Variants in SASH1 observed in about 807,000 individuals in gnomAD.
SASH1 encodes the protein SAM and SH3 domain-containing protein 1.
SASH1 carries 44 observed loss-of-function variants against 125.2 expected under a neutral mutation model. The observed-to-expected ratio is 0.35, with a 90% CI of 0.28 to 0.45. SASH1 has a LOEUF of 0.45. Ranked by LOEUF, SASH1 falls within the 20% of genes least tolerant of loss-of-function variation. SASH1 has a pLI of 1.00. For synonymous variants in SASH1, 639 were observed against 649.1 expected (o/e 0.98, Z 0.24); for missense variants, 1,426 against 1,614.5 (o/e 0.88, Z 2.00).
At chr6:148,527,941 G>T (rs141904857) in intron 12 of SASH1, among the ~76,000 whole-genome samples, 1 of 143,826 alleles carries the variant, frequency 7.0e-6, no homozygotes, top group Non-Finnish European at 1.5e-5. Context: ...ACTATGCCTT[G>T]CTACAAAATG....
At chr6:148,502,576 T>C (rs898027038) in intron 8 of SASH1, among the ~76,000 whole-genome samples, 10 of 152,230 alleles carry the variant, frequency 6.6e-5, no homozygotes, top group African/African-American at 2.2e-4. Context: ...TTTCGGTGCT[T>C]CACTTTTTGG....
intron 1 of SASH1, among the ~76,000 whole-genome samples, chr6:148,381,442 A>G (rs927491076): frequency 3.9e-5 from 6 of 151,982 alleles, no homozygotes; most frequent in African/African-American, 1.5e-4. Context: ...CAGGGAGTGT[A>G]AGAAGAGAAA....
intron 8 of SASH1, among the ~76,000 whole-genome samples, chr6:148,493,284 T>C (rs1779186358): frequency 6.6e-6 from 1 of 152,212 alleles, no homozygotes; most frequent in Non-Finnish European, 1.5e-5. Context: ...CTTGCCCCTC[T>C]TACTCTGGCT....
intron 2 of SASH1, among the ~76,000 whole-genome samples, chr6:148,426,332 C>A (rs188985669): frequency 1.3e-5 from 2 of 152,130 alleles, no homozygotes; most frequent in Non-Finnish European, 1.5e-5. Context: ...GGAAAGGGGT[C>A]GGACAGCTCT....
chr6:148,402,308 T>G (rs1784201333), intron 2 of SASH1, among the ~76,000 whole-genome samples: 1 of 152,052 alleles, frequency 6.6e-6, no homozygotes, highest in African/African-American at 2.4e-5. Context: ...CAAAAATGAC[T>G]TTTTGTTTGT....
the SASH1 span, among the ~76,000 whole-genome samples, chr6:148,238,899 A>T: frequency 6.6e-6 from 1 of 152,076 alleles, no homozygotes; most frequent in African/African-American, 2.4e-5. Flanking sequence ...CCCAAAAGTC[A>T]CTCTGGGATA....
chr6:148,499,278 G>A (rs1407802573), intron 8 of SASH1, among the ~76,000 whole-genome samples: 1 of 151,756 alleles, frequency 6.6e-6, no homozygotes, highest in Non-Finnish European at 1.5e-5. Context: ...CTCCCTCTTT[G>A]TACCACACCA....
intron 7 of SASH1, among the ~76,000 whole-genome samples, chr6:148,487,110 C>A (rs9390574): frequency 4.5e-5 from 6 of 132,690 alleles, no homozygotes; most frequent in Non-Finnish European, 9.6e-5. Flanking sequence ...CACACACACA[C>A]ACATATATAT....
intron 1 of SASH1, among the ~76,000 whole-genome samples, chr6:148,363,532 C>A (rs1192058473): frequency 6.6e-6 from 1 of 152,074 alleles, no homozygotes; most frequent in Non-Finnish European, 1.5e-5. Flanking sequence ...TCCTGAGTAG[C>A]TGGGATTACA....
At chr6:148,389,154 A>C (rs1783597005) in intron 1 of SASH1, among the ~76,000 whole-genome samples, 1 of 152,198 alleles carries the variant, frequency 6.6e-6, no homozygotes, top group African/African-American at 2.4e-5. Flanking sequence ...CACTGCGAGA[A>C]ATTTTTAGCA....
intron 4 of SASH1, among the ~76,000 whole-genome samples, chr6:148,458,126 A>C (rs2115066941): frequency 6.6e-6 from 1 of 152,288 alleles, no homozygotes; most frequent in East Asian, 1.9e-4. Context: ...CCAAGGCTTG[A>C]GCAGCTGCTC....
intron 1 of SASH1, among the ~76,000 whole-genome samples, chr6:148,382,827 A>C (rs1783198774): frequency 6.6e-6 from 1 of 152,102 alleles, no homozygotes; most frequent in Admixed American, 6.5e-5. Flanking sequence ...TTTTGGAGAG[A>C]GGGGATGGAA....
chr6:148,456,639 T>C (rs73585675), intron 4 of SASH1, among the ~76,000 whole-genome samples: 4 of 152,060 alleles, frequency 2.6e-5, no homozygotes, highest in East Asian at 1.9e-4. Context: ...GGCTGGTGGA[T>C]TGCTTGAGCC....
At position 148,284,791 on chromosome 6, in the gene SASH1, C is replaced by T. The variant is rs1779439801; in HGVS notation, n.74+12414C>T. ...TTATTTCAAGATTTTCAAATTTAAA[C>T]AAATGCTATAATGAACTTTTGGCAT... On this transcript the variant is annotated intron_variant and non_coding_transcript_variant, in intron 1 of 3. Transcript: ENST00000367469. 2.0e-5 allele frequency among the ~76,000 whole-genome samples: 3 copies of T among 152,238 alleles called. No homozygotes were observed. The South Asian group carries it at 6.2e-4, about 32-fold the overall frequency.
intron 4 of SASH1, among the ~76,000 whole-genome samples, chr6:148,448,115 A>AGAGTGT (rs374141600): frequency 5.2e-4 from 76 of 146,900 alleles, no homozygotes; most frequent in African/African-American, 1.8e-3. Flanking sequence ...CAGTGGAGAG[A>AGAGTGT]GTGTGTGTGT....
intron 1 of SASH1, among the ~76,000 whole-genome samples, chr6:148,331,481 T>C (rs1344917732): frequency 6.6e-6 from 1 of 151,880 alleles, no homozygotes; most frequent in Non-Finnish European, 1.5e-5. Context: ...AGGTTCCTGC[T>C]ACCATGCCCC....
At chr6:148,469,418 G>C (rs140493449) in intron 5 of SASH1, among the ~76,000 whole-genome samples, 244 of 152,268 alleles carry the variant, frequency 1.6e-3, no homozygotes, top group South Asian at 0.012. Context: ...AAGGGAGAAG[G>C]GAATATAGCT....
intron 1 of SASH1, among the ~76,000 whole-genome samples, chr6:148,283,188 C>T (rs931000145): frequency 2.0e-5 from 3 of 152,168 alleles, no homozygotes; most frequent in African/African-American, 4.8e-5. Flanking sequence ...TAGCTGAGTG[C>T]GCCAAATGAA....
chr6:148,370,427 C>T (rs1459602707), intron 1 of SASH1, among the ~76,000 whole-genome samples: 2 of 152,198 alleles, frequency 1.3e-5, no homozygotes, highest in Non-Finnish European at 2.9e-5. Flanking sequence ...GTTGAAATAT[C>T]TCAATTTCAG....
Sources: gnomAD v4.1 joint callset for allele counts (sites outside exome capture counted in the v4.1 genomes callset) on GRCh38, gnomAD v4.1.1 for gene constraint, MANE v1.5 for transcripts, NCBI Gene and HGNC (gene_info 2026-07-23, HGNC 2026-07-21) for gene names.